The following DOCK6 variants were observed in gnomAD, a reference collection of about 807,000 sequenced individuals.
DOCK6 encodes the protein dedicator of cytokinesis 6, also known as dedicator of cytokinesis protein 6.
In DOCK6, 167 loss-of-function variants were observed where a neutral mutation model predicts 230.3. That is an observed-to-expected ratio of 0.73 (90% CI 0.64 to 0.82). The LOEUF (loss-of-function observed/expected upper bound fraction) is 0.82, where lower values mean the gene tolerates loss of function less well. Among genes scored for constraint, DOCK6 ranks in the 40% least tolerant of loss-of-function variants. The pLI, the probability that DOCK6 is intolerant of heterozygous loss-of-function variation, is 0.00. For missense variants in DOCK6, 2,598 were observed against 2,825.8 expected (o/e 0.92, Z 1.83); for synonymous variants, 1,148 against 1,185.0 (o/e 0.97, Z 0.64).
chr19:11,246,593 A>AC (rs1392051147), intron 7 of DOCK6, among the ~76,000 whole-genome samples: 1 of 151,550 alleles, frequency 6.6e-6, no homozygotes, highest in Non-Finnish European at 1.5e-5. Context: ...CCCTCCCTAC[A>AC]CCCTCAGTAA....
chr19:11,202,509 C>T lies in DOCK6; in HGVS notation c.5362-26G>A, dbSNP rs2079187211. 6.2e-7 allele frequency: 1 copy of T among 1,613,260 alleles called. No homozygotes were observed. Among genetic ancestry groups the T allele is most frequent in the Non-Finnish European group, 8.5e-7 (1 of 1,179,464 alleles). On this transcript the variant is annotated intron_variant, in intron 42 of 47. Transcript: ENST00000294618. The surrounding 1 kb of genome is among the most constrained non-coding windows in gnomAD (Gnocchi z 5.3). The stretch of plus-strand genomic sequence containing the variant: ...CTGGAGACACAGGGCTGACTCGGGG[C>T]CACCCAGGGACAGCCCCTACTCCAG...
Position 11,238,444 on chromosome 19 carries a change from C to T in DOCK6, c.1644-140G>A, listed in dbSNP as rs371530625. On this transcript the variant is annotated intron_variant, in intron 14 of 47. Transcript: ENST00000294618. ...TCATGAGGCTGGGGCATTGAGGGCC[C>T]GGTGAGAGGTAATACAGGTATCAGT... 2.0e-4 allele frequency: 144 copies of T among 706,348 alleles called. No homozygotes were observed. In the African/African-American group the frequency reaches 2.1e-3, roughly 10 times the overall value. 43.8% of individuals were successfully genotyped at this position (706,348 alleles called of 1,614,324 possible). A position where few individuals can be genotyped will look rare whatever the true frequency, so the allele number is the denominator to read the frequency against.
chr19:11,210,446 CTCCTTGCCTGTTCACCCCTT>C (rs2079358923), intron 37 of DOCK6, among the ~76,000 whole-genome samples: 6 of 146,818 alleles, frequency 4.1e-5, no homozygotes, highest in African/African-American at 1.0e-4. Flanking sequence ...CTTCACCTGT[CTCCTTGCCTGTTCACCCCTT>C]CACCTGTCCA....
rs759546637 is a variant in DOCK6 at position 11,245,707 on chromosome 19, C to T, written c.879G>A (p.Ser293=). The stretch of plus-strand genomic sequence containing the variant: ...AGTTCAGGTCGAAGTAGAAGTTCTC[C>T]GAGATCTGGGGACACCAGAGGCAGC... ...LYDVREKKKI[S]ENFYFDLNSD... The change falls in exon 9 of 48, where the codon TCG becomes TCA. Residue 293 remains serine (S), a synonymous_variant. Coordinates refer to ENST00000294618, the MANE Select transcript of DOCK6 (RefSeq NM_020812.4). 30 of 1,603,592 alleles carry T rather than the reference C, an allele frequency of 1.9e-5. No individual in the cohort carries two copies. Among genetic ancestry groups the T allele is most frequent in the Middle Eastern group, 1.7e-4 (1 of 6,038 alleles).
intron 37 of DOCK6, among the ~76,000 whole-genome samples, chr19:11,211,562 G>A (rs28674013): frequency 9.7e-5 from 2 of 20,600 alleles, no homozygotes; most frequent in African/African-American, 3.0e-4. Context: ...CTGCTCCCCT[G>A]TCCCCCTCAC....
Position 11,243,447 on chromosome 19 carries a change from G to C in DOCK6, c.1259-62C>G. ...AGATGAAACAGGGAGACTCAGGGGCGGCACAGTTCGGCCAGCAGAGGGCGC... is the reference window on the plus strand; with the variant it reads ...AGATGAAACAGGGAGACTCAGGGGCCGCACAGTTCGGCCAGCAGAGGGCGC... On this transcript the variant is annotated intron_variant, in intron 11 of 47. Coordinates refer to ENST00000294618, the MANE Select transcript of DOCK6 (RefSeq NM_020812.4). This position sits in a 1 kb window ranked among gnomAD's most constrained non-coding sequence, Gnocchi z 6.3. 1 of 1,565,160 alleles carries C rather than the reference G, an allele frequency of 6.4e-7. No homozygotes were observed. Among genetic ancestry groups the C allele is most frequent in the South Asian group, 1.2e-5 (1 of 85,642 alleles).
At chr19:11,227,589 T>TGGGGCTTGAAGGGCTGTGGGTGGAG in intron 23 of DOCK6, 112 bp from the exon 24 acceptor site, 1 of 1,265,892 alleles carries the variant, frequency 7.9e-7, no homozygotes, top group South Asian at 1.6e-5. Flanking sequence ...GGACTGTGGG[T>TGGGGCTTGAAGGGCTGTGGGTGGAG]GGGGCTTGAA....
At chr19:11,207,306 G>A (rs1020306193) in intron 39 of DOCK6, among the ~76,000 whole-genome samples, 1 of 151,924 alleles carries the variant, frequency 6.6e-6, no homozygotes. Flanking sequence ...TGATCCTCCC[G>A]CTTCAAGCTT....
At chr19:11,242,392 G>A (rs980601193) in intron 13 of DOCK6, among the ~76,000 whole-genome samples, 185 bp from the exon 14 acceptor site, 10 of 151,750 alleles carry the variant, frequency 6.6e-5, no homozygotes, top group African/African-American at 9.7e-5. Context: ...ATTTTTTTTC[G>A]TTTTTGTTTT....
At chr19:11,225,582 C>T (rs766049239) in intron 24 of DOCK6, among the ~76,000 whole-genome samples, 2 of 152,058 alleles carry the variant, frequency 1.3e-5, no homozygotes, top group African/African-American at 4.8e-5. Context: ...GCCCCAGCTA[C>T]TCTGGAGGCT....
chr19:11,261,495 C>T (rs2080287796), intron 1 of DOCK6, among the ~76,000 whole-genome samples: 1 of 152,216 alleles, frequency 6.6e-6, no homozygotes, highest in Non-Finnish European at 1.5e-5. Flanking sequence ...ACCCACAGGG[C>T]AGCTCTTTCA....
intron 1 of DOCK6, among the ~76,000 whole-genome samples, chr19:11,261,848 C>CA (rs1454137302): frequency 6.6e-6 from 1 of 152,094 alleles, no homozygotes; most frequent in Admixed American, 6.6e-5. Context: ...CCCTTCCCCC[C>CA]CCCCGACAGC....
chr19:11,207,035 A>G (rs1346479987), intron 39 of DOCK6, among the ~76,000 whole-genome samples: 2 of 151,860 alleles, frequency 1.3e-5, no homozygotes, highest in African/African-American at 2.4e-5. Context: ...GGGTTTCACC[A>G]TGTTGGCCAG....
chr19:11,249,328 T>C (rs1010877122), intron 6 of DOCK6, among the ~76,000 whole-genome samples: 1 of 150,912 alleles, frequency 6.6e-6, no homozygotes, highest in Non-Finnish European at 1.5e-5. Flanking sequence ...CTGGCCAACA[T>C]AGTGAAACCC....
rs1279234314 is a variant in DOCK6, at chr19:11,245,693, A to C, written c.893T>G (p.Phe298Cys). The change falls in exon 9 of 48, where the codon TTC becomes TGC. Residue 298 changes from phenylalanine (F) to cysteine (C), a missense_variant. By Grantham distance (205) the Phe-to-Cys change is radical (BLOSUM62 -2). Coordinates refer to ENST00000294618, the MANE Select transcript of DOCK6 (RefSeq NM_020812.4). ...EKKKISENFY[F>C]DLNSDSMKGL... ...CTTCATGGAGTCCGAGTTCAGGTCG[A>C]AGTAGAAGTTCTCCGAGATCTGGGG... 9 of 1,605,676 alleles carry C rather than the reference A, an allele frequency of 5.6e-6. No individual in the cohort carries two copies. Among genetic ancestry groups the C allele is most frequent in the Non-Finnish European group, 6.8e-6 (8 of 1,175,036 alleles).
chr19:11,259,386 A>G (rs1418780150), intron 1 of DOCK6, among the ~76,000 whole-genome samples: 2 of 152,130 alleles, frequency 1.3e-5, no homozygotes, highest in African/African-American at 4.8e-5. Context: ...ATGGTAAAAA[A>G]TAACAATATA....
chr19:11,212,010 T>C lies in DOCK6; in HGVS notation c.4633A>G (p.Ser1545Gly), dbSNP rs758943231. ...YAEEDMGLRD[S>G]TFAEQVQDLM... ...GGTGTCACCTGCTCTGCGAAGGTGC[T>C]GTCCCGCAGCCCCATGTCCTCCTCA... Residue 1545 changes from serine (S) to glycine (G), a missense_variant, in exon 36 of 48, where the codon AGC (serine) becomes GGC (glycine). Transcript: ENST00000294618. The C allele has an allele frequency of 6.2e-7, 1 of 1,606,574 alleles. No individual in the cohort carries two copies. The highest frequency in any genetic ancestry group is 1.3e-5 in the African/African-American group (1 of 74,834).
rs761843431 is a variant in DOCK6, at chr19:11,222,944, C to T, written c.3070-39G>A. The T allele has an allele frequency of 3.1e-6, 5 of 1,613,066 alleles. No homozygotes were observed. Among genetic ancestry groups the T allele is most frequent in the African/African-American group, 1.3e-5 (1 of 74,886 alleles). On this transcript the variant is annotated intron_variant, in intron 25 of 47. Transcript: ENST00000294618. The surrounding 1 kb of genome is among the most constrained non-coding windows in gnomAD (Gnocchi z 4.0). ...GTGGCCATCAGTGATGTCAACATTG[C>T]TCCGCCTTCCATCCATGCCATGCCC...
intron 1 of DOCK6, among the ~76,000 whole-genome samples, chr19:11,260,887 A>AAAAAAAAAAAAG (rs1176165049): frequency 6.7e-6 from 1 of 149,894 alleles, no homozygotes; most frequent in Non-Finnish European, 1.5e-5. Context: ...TGTCTCAAAA[A>AAAAAAAAAAAAG]AAAAAAAAGA....
Sources: gnomAD v4.1 joint callset for allele counts (sites outside exome capture counted in the v4.1 genomes callset) on GRCh38, gnomAD v4.1.1 for gene constraint, Gnocchi (gnomAD v3.1) non-coding constraint, MANE v1.5 for transcripts, NCBI Gene and HGNC (gene_info 2026-07-23, HGNC 2026-07-21) for gene names.